The following GRID2 variants were observed in gnomAD, a reference collection of about 807,000 sequenced individuals.
GRID2 encodes glutamate ionotropic receptor delta type subunit 2, also known as glutamate receptor ionotropic, delta-2.
Under a neutral mutation model 114.8 loss-of-function variants are expected in GRID2, and 33 were observed. The observed-to-expected ratio is 0.29, with a 90% CI of 0.22 to 0.38. The LOEUF (loss-of-function observed/expected upper bound fraction) is 0.38, where lower values mean the gene tolerates loss of function less well. GRID2 is among the 10% of genes least tolerant of loss of function. The pLI, the probability that GRID2 is intolerant of heterozygous loss-of-function variation, is 1.00. For missense variants in GRID2, 1,184 were observed against 1,257.7 expected, an observed-to-expected ratio of 0.94 and a Z score of 0.89; for synonymous variants, 505 against 449.9, an observed-to-expected ratio of 1.12 and a Z score of -1.55.
At chr4:93,810,430 G>A (rs1221927035), downstream of GRID2, among the ~76,000 whole-genome samples, 1 of 152,058 alleles carries the variant, frequency 6.6e-6, no homozygotes, top group Admixed American at 6.6e-5. Flanking sequence ...GGTGATTAAA[G>A]TTGGTAATAA....
intron 1 of GRID2, among the ~76,000 whole-genome samples, chr4:92,551,403 A>G (rs979248363): frequency 2.6e-5 from 4 of 152,168 alleles, no homozygotes; most frequent in Non-Finnish European, 4.4e-5. Flanking sequence ...ACATTATACA[A>G]TCGATCCCAG....
chr4:92,473,626 G>C (rs747905543), intron 1 of GRID2, among the ~76,000 whole-genome samples: 4 of 151,962 alleles, frequency 2.6e-5, no homozygotes, highest in Non-Finnish European at 5.9e-5. Flanking sequence ...ATCACTCAGA[G>C]TATGGTCTAT....
At chr4:92,567,161 C>G (rs1056139104) in intron 1 of GRID2, among the ~76,000 whole-genome samples, 1 of 151,974 alleles carries the variant, frequency 6.6e-6, no homozygotes, top group African/African-American at 2.4e-5. Context: ...TGCAATACCA[C>G]CAAAACTTAT....
chr4:92,454,423 G>C (rs1030699179), intron 1 of GRID2, among the ~76,000 whole-genome samples: 3 of 152,114 alleles, frequency 2.0e-5, no homozygotes, highest in Admixed American at 1.3e-4. Context: ...TATAAATACA[G>C]TTTTATTGAT....
chr4:93,165,040 T>C (rs541563498), intron 4 of GRID2, among the ~76,000 whole-genome samples: 46 of 152,234 alleles, frequency 3.0e-4, no homozygotes, highest in African/African-American at 1.1e-3. Context: ...GGCTGCATTC[T>C]CATCTGGAAG....
intron 8 of GRID2, among the ~76,000 whole-genome samples, chr4:93,373,040 A>C (rs1358499048): frequency 6.6e-6 from 1 of 152,128 alleles, no homozygotes; most frequent in Admixed American, 6.6e-5. Flanking sequence ...TAAAAGTCTC[A>C]GTCTCAGATT....
chr4:92,868,034 T>G (rs1200154494), intron 2 of GRID2, among the ~76,000 whole-genome samples: 1 of 129,696 alleles, frequency 7.7e-6, no homozygotes, highest in African/African-American at 3.0e-5. Context: ...CTTTCTTTCT[T>G]TCTTTCTTTC....
At chr4:92,842,080 A>G (rs1742939733) in intron 2 of GRID2, among the ~76,000 whole-genome samples, 1 of 152,048 alleles carries the variant, frequency 6.6e-6, no homozygotes, top group Non-Finnish European at 1.5e-5. Flanking sequence ...TCTAAATACG[A>G]TGGTTAGATT....
At chr4:93,502,518 A>C (rs1167971241) in intron 12 of GRID2, among the ~76,000 whole-genome samples, 2 of 151,678 alleles carry the variant, frequency 1.3e-5, no homozygotes, top group Non-Finnish European at 2.9e-5. Flanking sequence ...TTCTTTTTCT[A>C]GTTCTCTATT....
At chr4:92,486,457 GA>G (rs1722891998) in intron 1 of GRID2, among the ~76,000 whole-genome samples, 2 of 150,998 alleles carry the variant, frequency 1.3e-5, no homozygotes, top group Admixed American at 1.3e-4. Flanking sequence ...ATTTGACATA[GA>G]AAACCAGATT....
intron 13 of GRID2, among the ~76,000 whole-genome samples, chr4:93,575,734 T>C: frequency 6.6e-6 from 1 of 152,178 alleles, no homozygotes; most frequent in African/African-American, 2.4e-5. Context: ...GTTTAATTTG[T>C]ATCTGATCTC....
At chr4:92,445,791 C>G (rs552463571) in intron 1 of GRID2, among the ~76,000 whole-genome samples, 1 of 152,280 alleles carries the variant, frequency 6.6e-6, no homozygotes, top group African/African-American at 2.4e-5. Flanking sequence ...AATAATCTTA[C>G]CTTGGTTAGT....
At chr4:92,393,000 T>C (rs563267566) in intron 1 of GRID2, among the ~76,000 whole-genome samples, 1 of 152,300 alleles carries the variant, frequency 6.6e-6, no homozygotes, top group East Asian at 1.9e-4. Flanking sequence ...CTACAGGCTA[T>C]ACAGGAAGCA....
chr4:93,049,582 C>A (rs1726498028), intron 2 of GRID2, among the ~76,000 whole-genome samples: 1 of 151,554 alleles, frequency 6.6e-6, no homozygotes, highest in Admixed American at 6.6e-5. Context: ...GAAAAGTTTC[C>A]AGCAGAATAA....
At chr4:93,714,685 T>A (rs1728759664) in intron 14 of GRID2, among the ~76,000 whole-genome samples, 1 of 152,230 alleles carries the variant, frequency 6.6e-6, no homozygotes, top group South Asian at 2.1e-4. Context: ...TGAACAGTGA[T>A]GTTGAGCTTT....
intron 10 of GRID2, among the ~76,000 whole-genome samples, chr4:93,438,380 G>T (rs1213569156): frequency 6.6e-6 from 1 of 152,066 alleles, no homozygotes; most frequent in East Asian, 1.9e-4. Flanking sequence ...AGATGAGTAG[G>T]AGTATAAGAG....
In GRID2 at chr4:92,939,769, C is replaced by T. The variant is rs540544235; in HGVS notation, c.245-145226C>T. Among the ~76,000 whole-genome samples, 1,210 of 147,440 alleles carry T rather than the reference C, an allele frequency of 8.2e-3. 48 individuals are homozygous for T. The highest frequency in any genetic ancestry group is 0.028 in the African/African-American group (1,158 of 41,288). On this transcript the variant is annotated intron_variant, in intron 2 of 15. Transcript: ENST00000282020. ...AAGGTGTAAGGAAGGGATCCAGTTT[C>T]AGCTTTCTACATATGGCTAGCCAGT...
intron 8 of GRID2, among the ~76,000 whole-genome samples, chr4:93,377,954 A>G (rs1193927998): frequency 6.6e-6 from 1 of 152,192 alleles, no homozygotes; most frequent in African/African-American, 2.4e-5. Flanking sequence ...TCTATATTTT[A>G]TAATTTCAAC....
intron 2 of GRID2, among the ~76,000 whole-genome samples, chr4:93,015,402 T>C (rs1455573055): frequency 6.6e-6 from 1 of 152,180 alleles, no homozygotes; most frequent in Non-Finnish European, 1.5e-5. Context: ...CAAGTCTTGG[T>C]CCTACCCATA....
Sources: allele counts gnomAD v4.1 joint callset (sites outside exome capture counted in the v4.1 genomes callset), GRCh38; gene constraint gnomAD v4.1.1; transcripts MANE v1.5; gene names NCBI Gene and HGNC (gene_info 2026-07-23, HGNC 2026-07-21).